The following SLC44A5 variants were observed in gnomAD, a reference collection of about 807,000 sequenced individuals.
SLC44A5 encodes the protein solute carrier family 44 member 5.
SLC44A5 carries 57 observed loss-of-function variants against 101.8 expected under a neutral mutation model. The ratio of observed to expected loss-of-function variants is 0.56; its 90% CI spans 0.45 to 0.70. The LOEUF (loss-of-function observed/expected upper bound fraction) is 0.70. Ranked by LOEUF, SLC44A5 falls within the 30% of genes least tolerant of loss-of-function variation. The pLI is 0.00. For missense variants in SLC44A5, 737 were observed against 853.1 expected, an observed-to-expected ratio of 0.86 and a Z score of 1.70; for synonymous variants, 281 against 290.9, an observed-to-expected ratio of 0.97 and a Z score of 0.35.
chr1:75,704,987 A>G, the SLC44A5 span, among the ~76,000 whole-genome samples: 1 of 152,182 alleles, frequency 6.6e-6, no homozygotes, highest in Non-Finnish European at 1.5e-5. Flanking sequence ...ATCATGTATC[A>G]TGAATAAACA....
At chr1:75,672,947 A>T in the SLC44A5 span, among the ~76,000 whole-genome samples, 1 of 152,168 alleles carries the variant, frequency 6.6e-6, no homozygotes, top group Middle Eastern at 3.2e-3. Flanking sequence ...ACTAGTCAGC[A>T]GTAGCCCAGT....
At chr1:75,414,610 T>C (rs1166362423) in intron 2 of SLC44A5, among the ~76,000 whole-genome samples, 1 of 152,118 alleles carries the variant, frequency 6.6e-6, no homozygotes, top group Non-Finnish European at 1.5e-5. Context: ...TTAAGTGCTA[T>C]AAATGTGTAA....
intron 2 of SLC44A5, among the ~76,000 whole-genome samples, chr1:75,413,045 G>A (rs924046420): frequency 6.6e-6 from 1 of 152,040 alleles, no homozygotes; most frequent in South Asian, 2.1e-4. Flanking sequence ...CAAGAAGAAG[G>A]GTGAGTATAG....
intron 2 of SLC44A5, among the ~76,000 whole-genome samples, chr1:75,500,582 A>T (rs1168444643): frequency 1.3e-5 from 2 of 152,186 alleles, no homozygotes; most frequent in East Asian, 3.9e-4. Context: ...TTTTAACTTT[A>T]TATGAAATGG....
At chr1:75,574,033 G>A (rs1311266908) in intron 1 of SLC44A5, among the ~76,000 whole-genome samples, 1 of 152,128 alleles carries the variant, frequency 6.6e-6, no homozygotes, top group East Asian at 1.9e-4. Flanking sequence ...AGTCTCAGCT[G>A]AATAACCTTC....
At chr1:75,466,517 G>A (rs1306748443) in intron 2 of SLC44A5, among the ~76,000 whole-genome samples, 9 of 152,062 alleles carry the variant, frequency 5.9e-5, no homozygotes, top group South Asian at 4.2e-4. Context: ...TTAGCTGGGC[G>A]TGGTGGCAGG....
intron 2 of SLC44A5, among the ~76,000 whole-genome samples, chr1:75,462,968 A>C (rs1225209915): frequency 6.6e-6 from 1 of 152,220 alleles, no homozygotes; most frequent in East Asian, 1.9e-4. Flanking sequence ...ATAGGAGTAG[A>C]AAGTTTATTC....
chr1:75,260,394 A>T (rs1208381642), intron 6 of SLC44A5, among the ~76,000 whole-genome samples: 2 of 152,166 alleles, frequency 1.3e-5, no homozygotes, highest in Admixed American at 1.3e-4. Flanking sequence ...GATAAAACAG[A>T]CTTTAAACGA....
chr1:75,718,114 T>C, the SLC44A5 span, among the ~76,000 whole-genome samples: 1 of 152,242 alleles, frequency 6.6e-6, no homozygotes, highest in Admixed American at 6.5e-5. Context: ...TATATAAAGT[T>C]GTGACACCTT....
rs199557637 is a variant in SLC44A5 at position 75,362,824 on chromosome 1, AG to A, written c.53-23195del. Among the ~76,000 whole-genome samples the A allele has an allele frequency of 5.1e-3, 777 of 152,086 alleles. 6 individuals are homozygous for A. Among genetic ancestry groups the A allele is most frequent in the African/African-American group, 0.018 (735 of 41,530 alleles). Reference sequence around the variant, plus strand: ...TTAGGTCCATTTGATCTAAAGTGTAAGGGGGGTGAGTATAAGTCCACGCGAG... The same window carrying A: ...TTAGGTCCATTTGATCTAAAGTGTAAGGGGGTGAGTATAAGTCCACGCGAG... On this transcript the variant is annotated intron_variant, in intron 3 of 23. Transcript: ENST00000370859.
chr1:75,208,894 G>T (rs1646799205), intron 23 of SLC44A5, among the ~76,000 whole-genome samples: 1 of 151,982 alleles, frequency 6.6e-6, no homozygotes, highest in Admixed American at 6.6e-5. Context: ...GTTTACAAAT[G>T]GTTTGCATTG....
chr1:75,577,710 TA>T (rs1481790373), intron 1 of SLC44A5, among the ~76,000 whole-genome samples: 1 of 152,200 alleles, frequency 6.6e-6, no homozygotes, highest in Non-Finnish European at 1.5e-5. Context: ...CTTCTCCCCC[TA>T]AAATATAAAT....
At chr1:75,633,824 C>T in the SLC44A5 span, among the ~76,000 whole-genome samples, 10 of 152,046 alleles carry the variant, frequency 6.6e-5, no homozygotes, top group Non-Finnish European at 1.2e-4. Flanking sequence ...TGCTTCCAGT[C>T]TTTGCCCATT....
At chr1:75,627,290 A>C in the SLC44A5 span, among the ~76,000 whole-genome samples, 1 of 152,158 alleles carries the variant, frequency 6.6e-6, no homozygotes, top group African/African-American at 2.4e-5. Flanking sequence ...CTTAGTTCCT[A>C]GTTCAGTGGT....
intron 2 of SLC44A5, among the ~76,000 whole-genome samples, chr1:75,500,542 G>A (rs1668905271): frequency 6.6e-6 from 1 of 152,052 alleles, no homozygotes; most frequent in South Asian, 2.1e-4. Context: ...TGTAGGAGAG[G>A]CCAACCCTGT....
chr1:75,656,877 G>T, the SLC44A5 span, among the ~76,000 whole-genome samples: 1 of 152,198 alleles, frequency 6.6e-6, no homozygotes, highest in Non-Finnish European at 1.5e-5. Context: ...TACCAGGCAT[G>T]GTGGCTCATG....
chr1:75,493,625 A>G (rs1384875839), intron 2 of SLC44A5, among the ~76,000 whole-genome samples: 1 of 152,202 alleles, frequency 6.6e-6, no homozygotes, highest in African/African-American at 2.4e-5. Flanking sequence ...GGGGAAAAAA[A>G]TAGCTTTTAA....
At chr1:75,414,187 A>C (rs549588058) in intron 2 of SLC44A5, among the ~76,000 whole-genome samples, 15 of 151,896 alleles carry the variant, frequency 9.9e-5, no homozygotes, top group Non-Finnish European at 1.9e-4. Flanking sequence ...CTTGATCTCC[A>C]CTACTCCTTC....
At chr1:75,495,387 A>G (rs1349907308) in intron 2 of SLC44A5, among the ~76,000 whole-genome samples, 1 of 152,014 alleles carries the variant, frequency 6.6e-6, no homozygotes, top group Admixed American at 6.6e-5. Flanking sequence ...CCCAGGAGGC[A>G]GAGTTTGCAG....
Sources: allele counts gnomAD v4.1 joint callset (sites outside exome capture counted in the v4.1 genomes callset), GRCh38; gene constraint gnomAD v4.1.1; transcripts MANE v1.5; gene names NCBI Gene and HGNC (gene_info 2026-07-23, HGNC 2026-07-21).